TRIP4: variants seen among roughly 807,000 people sequenced by gnomAD.
TRIP4 encodes the protein activating signal cointegrator 1.
TRIP4 carries 54 observed loss-of-function variants against 81.8 expected under a neutral mutation model. The observed-to-expected ratio is 0.66, with a 90% CI of 0.53 to 0.83. TRIP4 has a LOEUF of 0.83. Among genes scored for constraint, TRIP4 ranks in the 40% least tolerant of loss-of-function variants. The pLI, the probability that TRIP4 is intolerant of heterozygous loss-of-function variation, is 0.00. For synonymous variants in TRIP4, 270 were observed against 242.8 expected (o/e 1.11, Z -1.04); for missense variants, 662 against 683.6 (o/e 0.97, Z 0.35).
chr15:64,408,139 C>G (rs73454572), intron 6 of TRIP4, among the ~76,000 whole-genome samples: 7,148 of 140,452 alleles, frequency 0.051, 199 homozygotes, highest in African/African-American at 0.079. Context: ...AAAAAAGTTT[C>G]TACTCTAAGT....
At chr15:64,422,751 A>G (rs1892047660) in intron 9 of TRIP4, among the ~76,000 whole-genome samples, 1 of 152,250 alleles carries the variant, frequency 6.6e-6, no homozygotes, top group South Asian at 2.1e-4. Flanking sequence ...AGCAGCATCT[A>G]GTACACAGTC....
intron 5 of TRIP4, among the ~76,000 whole-genome samples, chr15:64,402,747 A>G (rs113961279): frequency 0.044 from 6,640 of 151,396 alleles, 478 homozygotes; most frequent in African/African-American, 0.15. Context: ...GCTGGTCTCG[A>G]ACTCCTGACC....
chr15:64,445,474 C>A (rs1397765974), intron 12 of TRIP4, among the ~76,000 whole-genome samples: 1 of 131,048 alleles, frequency 7.6e-6, no homozygotes, highest in African/African-American at 2.9e-5. Flanking sequence ...CTAAGATTAC[C>A]AAAAAAAAAA....
In TRIP4 at chr15:64,417,107, G is replaced by A. The variant is rs530788605; in HGVS notation, c.1171-1434G>A. ...ACTGCAGCCTCCACCTCCCAGGCTC[G>A]AGAGATCCTCCCATCTCAGCTTCTC... On this transcript the variant is annotated intron_variant, in intron 8 of 12. Coordinates refer to ENST00000261884, the MANE Select transcript of TRIP4 (RefSeq NM_016213.5). 3.3e-4 allele frequency among the ~76,000 whole-genome samples: 50 copies of A among 152,150 alleles called. No homozygotes were observed. The South Asian group carries it at 9.1e-3, about 28-fold the overall frequency.
At chr15:64,439,512 CTTTTTTTTTTTTTTT>C (rs71895300) in intron 11 of TRIP4, among the ~76,000 whole-genome samples, 4 of 47,880 alleles carry the variant, frequency 8.4e-5, no homozygotes, top group East Asian at 8.2e-4. Context: ...ACTTATAAAT[CTTTTTTTTTTTTTTT>C]TTTTTTTTTT....
In TRIP4 at chr15:64,387,942, G is replaced by C. The variant is rs1406969178; in HGVS notation, c.79G>C (p.Asp27His). Residue 27 changes from aspartate (D) to histidine (H), a missense_variant, in exon 1 of 13, where the codon GAT becomes CAT. Asp to His is a moderately conservative substitution (Grantham distance 81). Coordinates refer to ENST00000261884, the MANE Select transcript of TRIP4 (RefSeq NM_016213.5). ...TQQLRKTFGLDVSEEIIQYVL... is the reference protein window; with the variant it reads ...TQQLRKTFGLHVSEEIIQYVL... ...GCAGTTGCGGAAGACTTTCGGCCTG[G>C]ATGTCAGCGAGGAGATCATTCAGTG... 1 of 1,551,054 alleles carries C rather than the reference G, an allele frequency of 6.4e-7. No individual in the cohort carries two copies. Among genetic ancestry groups the C allele is most frequent in the Non-Finnish European group, 8.7e-7 (1 of 1,146,928 alleles).
intron 7 of TRIP4, among the ~76,000 whole-genome samples, chr15:64,413,713 G>A (rs1005597860): frequency 1.3e-5 from 2 of 151,784 alleles, no homozygotes; most frequent in African/African-American, 2.4e-5. Flanking sequence ...TCAGCCTCCC[G>A]AGTAGCTGGG....
intron 5 of TRIP4, among the ~76,000 whole-genome samples, chr15:64,405,153 CTTTTCTTT>C (rs1024285435): frequency 1.3e-5 from 2 of 150,256 alleles, no homozygotes; most frequent in African/African-American, 4.9e-5. Flanking sequence ...ATTTCTTTTT[CTTTTCTTT>C]TTTTTTTTTT....
At chr15:64,390,420 C>T (rs578014696) in intron 1 of TRIP4, among the ~76,000 whole-genome samples, 2 of 150,470 alleles carry the variant, frequency 1.3e-5, no homozygotes, top group South Asian at 4.2e-4. Context: ...GATACCGCAC[C>T]ACTGCACTCC....
At chr15:64,452,540 G>A (rs893148961) in intron 12 of TRIP4, among the ~76,000 whole-genome samples, 10 of 152,168 alleles carry the variant, frequency 6.6e-5, no homozygotes, top group African/African-American at 1.9e-4. Context: ...TGTAATACAC[G>A]TAGCTCAGTG....
intron 11 of TRIP4, among the ~76,000 whole-genome samples, chr15:64,439,851 G>T (rs890525557): frequency 1.1e-4 from 17 of 151,858 alleles, no homozygotes; most frequent in African/African-American, 4.1e-4. Flanking sequence ...TCTGGAGACA[G>T]ATATAAGATT....
chr15:64,417,781 G>T (rs545389790), intron 8 of TRIP4, among the ~76,000 whole-genome samples: 2 of 152,266 alleles, frequency 1.3e-5, no homozygotes, highest in East Asian at 3.9e-4. Context: ...CATCTGTTTG[G>T]CTTTGTCATG....
intron 3 of TRIP4, 121 bp from the exon 4 acceptor site, chr15:64,397,485 C>G: frequency 1.1e-6 from 1 of 938,644 alleles, no homozygotes; most frequent in Non-Finnish European, 1.6e-6. Flanking sequence ...CTTTCACTGC[C>G]TTCTTTCTTG....
Position 64,406,478 on chromosome 15 carries a change from A to G in TRIP4, c.827+19A>G. On this transcript the variant is annotated intron_variant, in intron 6 of 12. Transcript: ENST00000261884. ...GAACTAGGTATGAAAGGGTTAGAAT[A>G]ACAAATGCTAAGAAATAAACTAGTC... The G allele has an allele frequency of 6.2e-7, 1 of 1,608,618 alleles. No homozygotes were observed. Among genetic ancestry groups the G allele is most frequent in the Non-Finnish European group, 8.5e-7 (1 of 1,177,930 alleles).
At chr15:64,438,383 G>C (rs1038759689) in intron 11 of TRIP4, among the ~76,000 whole-genome samples, 1 of 152,220 alleles carries the variant, frequency 6.6e-6, no homozygotes, top group South Asian at 2.1e-4. Context: ...GCAATGGCAC[G>C]ATCTCAGCTC....
chr15:64,399,388 G>C (rs1161534620), intron 4 of TRIP4, among the ~76,000 whole-genome samples: 2 of 152,166 alleles, frequency 1.3e-5, no homozygotes, highest in Non-Finnish European at 2.9e-5. Context: ...TTTAGAGCAA[G>C]CTCTTATAGC....
At chr15:64,418,761 A>G (rs770834495) in intron 9 of TRIP4, 33 bp downstream of exon 9, 3 of 1,532,350 alleles carry the variant, frequency 2.0e-6, no homozygotes, top group Non-Finnish European at 2.6e-6. Flanking sequence ...GCAGTGGAAG[A>G]TCTTAGAGTG....
chr15:64,390,096 A>C (rs929372640), intron 1 of TRIP4, among the ~76,000 whole-genome samples: 3 of 147,876 alleles, frequency 2.0e-5, no homozygotes, highest in Non-Finnish European at 4.5e-5. Flanking sequence ...AATATATTAA[A>C]TATTAAATAT....
chr15:64,396,176 T>C (rs1053252392), intron 3 of TRIP4, among the ~76,000 whole-genome samples: 6 of 151,442 alleles, frequency 4.0e-5, no homozygotes, highest in African/African-American at 1.5e-4. Context: ...CCCAAAGTGC[T>C]AGGATTACAG....
Sources: gnomAD v4.1 joint callset for allele counts (sites outside exome capture counted in the v4.1 genomes callset) on GRCh38, gnomAD v4.1.1 for gene constraint, MANE v1.5 for transcripts, NCBI Gene and HGNC (gene_info 2026-07-23, HGNC 2026-07-21) for gene names.